STOX2: variants seen among roughly 807,000 people sequenced by gnomAD.
STOX2 encodes storkhead-box protein 2.
Under a neutral mutation model 60.9 loss-of-function variants are expected in STOX2, and 28 were observed. The observed-to-expected ratio is 0.46, with a 90% CI of 0.34 to 0.63. STOX2 has a LOEUF of 0.63. STOX2 is among the 30% of genes least tolerant of loss of function. The probability of loss-of-function intolerance (pLI) is 0.01; values close to 1 mark genes in which losing one functional copy is unlikely to be tolerated. For synonymous variants in STOX2, 472 were observed against 463.9 expected, an observed-to-expected ratio of 1.02 and a Z score of -0.22; for missense variants, 1,024 against 1,187.7, an observed-to-expected ratio of 0.86 and a Z score of 2.03.
chr4:183,822,259 G>A (rs1353030111), intron 1 of STOX2, among the ~76,000 whole-genome samples: 1 of 152,188 alleles, frequency 6.6e-6, no homozygotes, highest in African/African-American at 2.4e-5. Flanking sequence ...AGATTGAGAA[G>A]TAACCCATTT....
chr4:183,877,086 C>T (rs1193781869), intron 1 of STOX2, among the ~76,000 whole-genome samples: 1 of 151,974 alleles, frequency 6.6e-6, no homozygotes, highest in African/African-American at 2.4e-5. Flanking sequence ...TAAAACTTAC[C>T]CAATTTCAAA....
Position 184,011,426 on chromosome 4 carries a change from AG to A in STOX2, c.2585+6del, listed in dbSNP as rs755480324. On this transcript the variant is annotated splice_donor_region_variant and intron_variant, in intron 3 of 3. Coordinates refer to ENST00000308497, the MANE Select transcript of STOX2 (RefSeq NM_020225.3). The surrounding 1 kb of genome is among the most constrained non-coding windows in gnomAD (Gnocchi z 4.4). ...GACAGTGGATTCAACTCCCCACGGT[AG>A]GGAGAGGTGTCTCTGTGCACACACA... The A allele has an allele frequency of 6.2e-7, 1 of 1,607,854 alleles. No homozygotes were observed. The highest frequency in any genetic ancestry group is 1.7e-5 in the Admixed American group (1 of 59,338).
At chr4:183,909,990 T>G (rs1165773911) in intron 1 of STOX2, among the ~76,000 whole-genome samples, 1 of 152,208 alleles carries the variant, frequency 6.6e-6, no homozygotes, top group Non-Finnish European at 1.5e-5. Flanking sequence ...GACTATGCCT[T>G]ATGTGACTGT....
intron 1 of STOX2, among the ~76,000 whole-genome samples, chr4:183,829,525 T>G (rs1034392155): frequency 1.3e-5 from 2 of 152,218 alleles, no homozygotes; most frequent in African/African-American, 4.8e-5. Flanking sequence ...TCATTCCCTT[T>G]GCATTTGGTG....
intron 1 of STOX2, among the ~76,000 whole-genome samples, chr4:183,867,745 CT>C (rs1037621315): frequency 2.0e-5 from 3 of 152,150 alleles, no homozygotes; most frequent in African/African-American, 7.2e-5. Flanking sequence ...ATTAATCGTG[CT>C]CCCTTGCTGC....
Position 184,011,308 on chromosome 4 carries a change from C to T in STOX2, c.2470C>T (p.Leu824Phe). Residue 824 changes from leucine to phenylalanine, a missense_variant, in exon 3 of 4, where the codon CTT (leucine) becomes TTT (phenylalanine). Transcript: ENST00000308497. The surrounding 1 kb of genome is among the most constrained non-coding windows in gnomAD (Gnocchi z 4.4). The part of the protein sequence containing the change: ...LQRKFEKNLT[L>F]LAPKETDSSS... ...GAGGAAATTTGAAAAGAACCTCACCCTTCTTGCTCCAAAAGAAACCGACAG... is the reference window on the plus strand; with the variant it reads ...GAGGAAATTTGAAAAGAACCTCACCTTTCTTGCTCCAAAAGAAACCGACAG... 6.2e-7 allele frequency: 1 copy of T among 1,614,024 alleles called. No individual in the cohort carries two copies. The highest frequency in any genetic ancestry group is 8.5e-7 in the Non-Finnish European group (1 of 1,179,896).
intron 1 of STOX2, among the ~76,000 whole-genome samples, chr4:183,926,022 A>C (rs1742232153): frequency 6.6e-6 from 1 of 152,206 alleles, no homozygotes; most frequent in African/African-American, 2.4e-5. Flanking sequence ...TAGGTTTCGA[A>C]TTAACATGAA....
chr4:183,944,582 C>T (rs997469351), intron 1 of STOX2, among the ~76,000 whole-genome samples: 6 of 152,282 alleles, frequency 3.9e-5, no homozygotes, highest in South Asian at 2.1e-4. Context: ...AGCGTGGTGG[C>T]GCATGCCTGT....
At chr4:183,824,761 G>A (rs191149772) in intron 1 of STOX2, among the ~76,000 whole-genome samples, 310 of 152,284 alleles carry the variant, frequency 2.0e-3, no homozygotes, top group Admixed American at 5.7e-3. Flanking sequence ...AATACTAGGC[G>A]CCATGGGAGA....
Position 184,019,095 on chromosome 4 carries a change from C to T in STOX2, c.*1811C>T, listed in dbSNP as rs1360199742. ...TTCTTGAAACCTTTAAATGCTCCCT[C>T]ATAGTTTTTCAGTTATTTGGAAGTT... On this transcript the variant is annotated 3_prime_UTR_variant, in exon 4 of 4. Coordinates refer to ENST00000308497, the MANE Select transcript of STOX2 (RefSeq NM_020225.3). 2 of 152,230 alleles carry T rather than the reference C, an allele frequency of 1.3e-5. No homozygotes were observed. Among genetic ancestry groups the T allele is most frequent in the African/African-American group, 4.8e-5 (2 of 41,456 alleles). The allele number at this position is 152,230 out of a possible 1,614,324, so 9.4% of individuals were successfully genotyped here.
chr4:183,839,014 C>T (rs1318501927), intron 1 of STOX2, among the ~76,000 whole-genome samples: 7 of 145,786 alleles, frequency 4.8e-5, no homozygotes, highest in African/African-American at 1.3e-4. Context: ...TACACGTGCA[C>T]GCGCGCGCGC....
intron 1 of STOX2, among the ~76,000 whole-genome samples, chr4:183,812,336 CTT>C (rs1267484176): frequency 1.2e-5 from 1 of 82,224 alleles, no homozygotes; most frequent in African/African-American, 7.9e-5. Context: ...TAAACTATAA[CTT>C]TAAATTTACT....
chr4:184,000,326 G>A (rs889991059), intron 1 of STOX2, among the ~76,000 whole-genome samples: 5 of 152,158 alleles, frequency 3.3e-5, no homozygotes, highest in East Asian at 1.9e-4. Flanking sequence ...AAGAGTCACC[G>A]TCCATCACCC....
rs1734490864 is a variant in STOX2 at position 184,019,329 on chromosome 4, T to C, written c.*2045T>C. On this transcript the variant is annotated 3_prime_UTR_variant, in exon 4 of 4. Transcript: ENST00000308497. ...TAAATATGTCCAGAAGGAATGATCATGTATCTAATAGACTACATAGTTGGT... is the reference window on the plus strand; with the variant it reads ...TAAATATGTCCAGAAGGAATGATCACGTATCTAATAGACTACATAGTTGGT... 1 of 152,258 alleles carries C rather than the reference T, an allele frequency of 6.6e-6. No homozygotes were observed. The highest frequency in any genetic ancestry group is 2.4e-5 in the African/African-American group (1 of 41,468). The allele number at this position is 152,258 out of a possible 1,614,324, so 9.4% of individuals were successfully genotyped here.
rs199951850 is a variant in STOX2 at position 184,012,230 on chromosome 4, C to T, written c.2585+807C>T. Reference sequence around the variant, plus strand: ...TTCAGAAAGCAAACAAGAGTCTGTGCAACTTCCTTTTTTCTTCTTAACTCT... The same window carrying T: ...TTCAGAAAGCAAACAAGAGTCTGTGTAACTTCCTTTTTTCTTCTTAACTCT... On this transcript the variant is annotated intron_variant, in intron 3 of 3. Coordinates refer to ENST00000308497, the MANE Select transcript of STOX2 (RefSeq NM_020225.3). 3.9e-4 allele frequency among the ~76,000 whole-genome samples: 59 copies of T among 152,300 alleles called. 1 individual carries two copies. In the East Asian group the frequency reaches 7.5e-3, roughly 19 times the overall value.
chr4:183,918,673 A>C (rs1742001953), intron 1 of STOX2, among the ~76,000 whole-genome samples: 1 of 152,206 alleles, frequency 6.6e-6, no homozygotes, highest in Admixed American at 6.5e-5. Flanking sequence ...TGAGTTTATA[A>C]AAGTAGTGAT....
chr4:183,808,296 A>G (rs913695473), intron 1 of STOX2, among the ~76,000 whole-genome samples: 15 of 152,212 alleles, frequency 9.9e-5, no homozygotes, highest in Non-Finnish European at 1.3e-4. Context: ...GACTCCCTCC[A>G]GCAGTGCCTC....
intron 1 of STOX2, among the ~76,000 whole-genome samples, chr4:183,850,430 T>G (rs1290733173): frequency 6.6e-6 from 1 of 152,108 alleles, no homozygotes; most frequent in Non-Finnish European, 1.5e-5. Flanking sequence ...AGATTTCTTT[T>G]TAAAAAAAGT....
Position 183,968,188 on chromosome 4 carries a change from C to T in STOX2, c.167-33137C>T, listed in dbSNP as rs1743633174. The stretch of plus-strand genomic sequence containing the variant: ...AGGGTTGTCACACTTTTGGACTTCA[C>T]GTTCAAAGAACACTTCAATAAAATT... On this transcript the variant is annotated intron_variant, in intron 1 of 3. Transcript: ENST00000308497. 3.9e-5 allele frequency among the ~76,000 whole-genome samples: 6 copies of T among 152,244 alleles called. No individual in the cohort carries two copies. In the South Asian group the frequency reaches 1.0e-3, roughly 26 times the overall value.
Sources: gnomAD v4.1 joint callset for allele counts (sites outside exome capture counted in the v4.1 genomes callset) on GRCh38, gnomAD v4.1.1 for gene constraint, Gnocchi (gnomAD v3.1) non-coding constraint, MANE v1.5 for transcripts, NCBI Gene and HGNC (gene_info 2026-07-23, HGNC 2026-07-21) for gene names.